NKD2: variants seen among roughly 807,000 people sequenced by gnomAD.
The protein encoded by NKD2 is protein naked cuticle homolog 2.
Under a neutral mutation model 34.8 loss-of-function variants are expected in NKD2, and 43 were observed. The ratio of observed to expected loss-of-function variants is 1.24; its 90% CI spans 0.97 to 1.60. NKD2 has a LOEUF of 1.60. Ranked by LOEUF, NKD2 falls within the 40% of genes most tolerant of loss-of-function variation. The pLI, the probability that NKD2 is intolerant of heterozygous loss-of-function variation, is 0.00. For missense variants in NKD2, 675 were observed against 627.1 expected (o/e 1.08, Z -0.82); for synonymous variants, 278 against 265.1 (o/e 1.05, Z -0.47).
chr5:1,036,723 G>A, intron 9 of NKD2: 3 of 507,316 alleles, frequency 5.9e-6, no homozygotes, highest in Non-Finnish European at 1.1e-5. Flanking sequence ...TGAGAAGTCA[G>A]TATTTTAGGG....
rs1476414832 is a variant in NKD2 at position 1,009,908 on chromosome 5, G to A, written c.141+348G>A. On this transcript the variant is annotated intron_variant, in intron 3 of 9. Transcript: ENST00000296849. This position sits in a 1 kb window ranked among gnomAD's most constrained non-coding sequence, Gnocchi z 6.9. ...TCCCGGGCTGGGGGTCCCGGGGAGC[G>A]GGAATGCAGTACCCCGGCTGGATGA... 6.6e-6 allele frequency among the ~76,000 whole-genome samples: 1 copy of A among 152,154 alleles called. No homozygotes were observed. The highest frequency in any genetic ancestry group is 1.5e-5 in the Non-Finnish European group (1 of 68,012).
At position 1,009,012 on chromosome 5, in the gene NKD2, C is replaced by G. The variant is rs562379371; in HGVS notation, c.-46C>G. The G allele has an allele frequency of 1.4e-4, 61 of 432,498 alleles. No homozygotes were observed. Among genetic ancestry groups the G allele is most frequent in the African/African-American group, 1.2e-3 (58 of 48,420 alleles). 26.8% of individuals were successfully genotyped at this position (432,498 alleles called of 1,614,324 possible). ...GGCTCCCGGCCCCGGCTTCAGAACT[C>G]AGCCCTGCACCTGAGCGCGGGGCCC... On this transcript the variant is annotated 5_prime_UTR_variant, in exon 1 of 10. Coordinates refer to ENST00000296849, the MANE Select transcript of NKD2 (RefSeq NM_033120.4). The surrounding 1 kb of genome is among the most constrained non-coding windows in gnomAD (Gnocchi z 6.9).
chr5:1,026,751 G>A (rs999611627), intron 3 of NKD2, among the ~76,000 whole-genome samples: 4 of 152,210 alleles, frequency 2.6e-5, no homozygotes, highest in African/African-American at 2.4e-5. Context: ...ATTCTACCAC[G>A]TCCAGCATCC....
At position 1,035,381 on chromosome 5, in the gene NKD2, C is replaced by CG. The variant is rs1261990104; in HGVS notation, c.575-8_575-7insG. On this transcript the variant is annotated splice_region_variant and splice_polypyrimidine_tract_variant and intron_variant, in intron 7 of 9. Coordinates refer to ENST00000296849, the MANE Select transcript of NKD2 (RefSeq NM_033120.4). ...AGGGAGTGAGTAATGGCAGGACCCC[C>CG]CTTTCAGACCGGGAGCCCACCCGTT... 2 of 1,554,832 alleles carry CG rather than the reference C, an allele frequency of 1.3e-6. No homozygotes were observed. Among genetic ancestry groups the CG allele is most frequent in the African/African-American group, 2.7e-5 (2 of 73,232 alleles).
chr5:1,022,160 C>G (rs10044950), intron 3 of NKD2, among the ~76,000 whole-genome samples: 67,265 of 149,480 alleles, frequency 0.45, 15,477 homozygotes, highest in Middle Eastern at 0.52. Flanking sequence ...TGTCCCTGCT[C>G]TTCCCACCTG....
intron 3 of NKD2, among the ~76,000 whole-genome samples, chr5:1,018,545 G>A (rs1756048901): frequency 6.6e-6 from 1 of 152,026 alleles, no homozygotes. Context: ...GTTGGGGGGA[G>A]AGACTGGTCA....
chr5:1,010,034 G>A (rs954538484), intron 3 of NKD2, among the ~76,000 whole-genome samples: 3 of 152,182 alleles, frequency 2.0e-5, no homozygotes, highest in Admixed American at 1.3e-4. Context: ...CAGAGGCCTC[G>A]GTGCCTCCCA....
rs774739096 is a variant in NKD2, at chr5:1,038,398, C to G, written c.*25C>G. 1.0e-4 allele frequency: 160 copies of G among 1,535,732 alleles called. No homozygotes were observed. The highest frequency in any genetic ancestry group is 3.7e-4 in the Admixed American group (19 of 51,008). On this transcript the variant is annotated 3_prime_UTR_variant, in exon 10 of 10. Transcript: ENST00000296849. The surrounding 1 kb of genome is among the most constrained non-coding windows in gnomAD (Gnocchi z 4.5). Reference sequence around the variant, plus strand: ...GCGCCACTGCCAAGCACACCTCGCTCCCAGCACACCACAGCCCGCGACCTC... The same window carrying G: ...GCGCCACTGCCAAGCACACCTCGCTGCCAGCACACCACAGCCCGCGACCTC...
intron 3 of NKD2, 116 bp from the exon 4 acceptor site, chr5:1,032,035 GC>G (rs1756662492): frequency 1.3e-6 from 1 of 757,162 alleles, no homozygotes; most frequent in East Asian, 2.7e-5. Flanking sequence ...AGATTGAGAC[GC>G]CCCAGGAGGC....
intron 3 of NKD2, among the ~76,000 whole-genome samples, chr5:1,015,842 C>T (rs974572717): frequency 6.6e-6 from 1 of 152,202 alleles, no homozygotes; most frequent in African/African-American, 2.4e-5. Context: ...TCTTACCAGC[C>T]GTGGCCCCTC....
At chr5:1,034,165 T>A in intron 5 of NKD2, 70 bp from the exon 6 acceptor site, 2 of 1,127,598 alleles carry the variant, frequency 1.8e-6, no homozygotes, top group Non-Finnish European at 2.6e-6. Context: ...CAGAAGATCC[T>A]TCCCCCTGTG....
intron 3 of NKD2, among the ~76,000 whole-genome samples, chr5:1,019,581 AC>A (rs1353349855): frequency 6.6e-6 from 1 of 152,094 alleles, no homozygotes; most frequent in African/African-American, 2.4e-5. Context: ...AGGGCATGCG[AC>A]GGGGGTGCTT....
At chr5:1,027,659 T>A (rs2150741053) in intron 3 of NKD2, among the ~76,000 whole-genome samples, 1 of 152,238 alleles carries the variant, frequency 6.6e-6, no homozygotes, top group Non-Finnish European at 1.5e-5. Context: ...AGGGTTTAGG[T>A]CATGTCCCAG....
chr5:1,034,924 C>A (rs1369841606), intron 7 of NKD2, 21 bp downstream of exon 7: 1 of 1,591,190 alleles, frequency 6.3e-7, no homozygotes, highest in Admixed American at 1.7e-5. Flanking sequence ...CCTGGGCACA[C>A]ACAGAGGACC....
intron 3 of NKD2, among the ~76,000 whole-genome samples, chr5:1,022,128 C>A (rs1579256629): frequency 6.6e-6 from 1 of 151,938 alleles, no homozygotes; most frequent in East Asian, 1.9e-4. Context: ...CCCTGTCCAC[C>A]AGTAGCCAGT....
intron 3 of NKD2, among the ~76,000 whole-genome samples, chr5:1,014,982 G>C (rs545173681): frequency 6.6e-6 from 1 of 152,324 alleles, no homozygotes; most frequent in East Asian, 1.9e-4. Flanking sequence ...TCACAGCCTG[G>C]CCACATCCCT....
At chr5:1,018,015 C>T (rs1401359906) in intron 3 of NKD2, among the ~76,000 whole-genome samples, 2 of 151,962 alleles carry the variant, frequency 1.3e-5, no homozygotes, top group East Asian at 1.9e-4. Context: ...ATGGAGGAAG[C>T]GTGGCCCCCC....
intron 8 of NKD2, chr5:1,035,720 C>T: frequency 1.8e-6 from 1 of 544,750 alleles, no homozygotes. Context: ...GGCCTTGACA[C>T]CCTCAGTCTG....
intron 3 of NKD2, among the ~76,000 whole-genome samples, chr5:1,030,530 C>T (rs881334): frequency 0.39 from 58,786 of 152,090 alleles, 12,369 homozygotes; most frequent in Middle Eastern, 0.48. Flanking sequence ...CAGCCTCACC[C>T]ATTATTCTGA....
Sources: gnomAD v4.1 joint callset for allele counts (sites outside exome capture counted in the v4.1 genomes callset) on GRCh38, gnomAD v4.1.1 for gene constraint, Gnocchi (gnomAD v3.1) non-coding constraint, MANE v1.5 for transcripts, NCBI Gene and HGNC (gene_info 2026-07-23, HGNC 2026-07-21) for gene names.